The following TRPC6 variants were observed in gnomAD, a reference collection of about 807,000 sequenced individuals.
The protein encoded by TRPC6 is transient receptor potential cation channel subfamily C member 6.
Under a neutral mutation model 90.7 loss-of-function variants are expected in TRPC6, and 55 were observed. The observed-to-expected ratio is 0.61, with a 90% CI of 0.49 to 0.76. TRPC6 has a LOEUF of 0.76. TRPC6 is among the 30% of genes least tolerant of loss of function. TRPC6 has a pLI of 0.00. For synonymous variants in TRPC6, 393 were observed against 393.0 expected (o/e 1.00, Z 0.00); for missense variants, 989 against 1,122.7 (o/e 0.88, Z 1.70).
intron 1 of TRPC6, among the ~76,000 whole-genome samples, chr11:101,555,998 G>A (rs1304334819): frequency 6.6e-6 from 1 of 152,052 alleles, no homozygotes; most frequent in East Asian, 1.9e-4. Context: ...TTAAAAGGGG[G>A]ATTTTTTAAA....
At chr11:101,574,995 T>G (rs1295521363) in intron 1 of TRPC6, among the ~76,000 whole-genome samples, 1 of 152,152 alleles carries the variant, frequency 6.6e-6, no homozygotes, top group Non-Finnish European at 1.5e-5. Context: ...AATGGAAACA[T>G]GAACTCTGCT....
intron 1 of TRPC6, among the ~76,000 whole-genome samples, chr11:101,539,240 T>C (rs1234209548): frequency 7.2e-5 from 11 of 152,212 alleles, no homozygotes; most frequent in African/African-American, 2.7e-4. Flanking sequence ...GGTTTTCAGA[T>C]TCCTTAGAAC....
At position 101,473,674 on chromosome 11, in the gene TRPC6, G is replaced by A. The variant is rs756977825; in HGVS notation, c.1844C>T (p.Pro615Leu). ...LSFSRIAYIL[P>L]ANESFGPLQI... ...CAGAGGTCCAAAGCTTTCATTTGCT[G>A]GTAAAATATAAGCTATCCTAGAGAA... Residue 615 changes from proline (P) to leucine (L), a missense_variant, in exon 7 of 13, where the codon CCA (proline) becomes CTA (leucine). Pro to Leu is a moderately conservative substitution (Grantham distance 98). Around this residue, in one of 4 missense-constraint regions of TRPC6, gnomAD observed 118 missense variants for 197.6 expected, o/e 0.60. Transcript: ENST00000344327. 1.2e-6 allele frequency: 2 copies of A among 1,613,614 alleles called. No homozygotes were observed. Among genetic ancestry groups the A allele is most frequent in the East Asian group, 2.2e-5 (1 of 44,826 alleles).
chr11:101,500,532 G>A (rs530493135), intron 2 of TRPC6, among the ~76,000 whole-genome samples: 1 of 151,688 alleles, frequency 6.6e-6, no homozygotes, highest in South Asian at 2.1e-4. Context: ...TTAACAGCTG[G>A]GTTGATTTTT....
intron 1 of TRPC6, among the ~76,000 whole-genome samples, chr11:101,510,531 T>G (rs990580092): frequency 6.6e-6 from 1 of 152,204 alleles, no homozygotes; most frequent in Non-Finnish European, 1.5e-5. Flanking sequence ...ACATTTAGCA[T>G]GGTTAAAAGA....
intron 1 of TRPC6, among the ~76,000 whole-genome samples, chr11:101,544,225 A>G (rs982557347): frequency 6.6e-6 from 1 of 152,198 alleles, no homozygotes; most frequent in East Asian, 1.9e-4. Context: ...AAAAGTCAGG[A>G]AACAACAGAT....
chr11:101,497,993 A>T (rs1244887264), intron 2 of TRPC6, among the ~76,000 whole-genome samples: 1 of 152,250 alleles, frequency 6.6e-6, no homozygotes, highest in East Asian at 1.9e-4. Flanking sequence ...AATTAGAGAC[A>T]TAAGTCCTGG....
At chr11:101,490,405 T>C (rs1316655901) in intron 3 of TRPC6, among the ~76,000 whole-genome samples, 1 of 152,322 alleles carries the variant, frequency 6.6e-6, no homozygotes, top group Middle Eastern at 3.4e-3. Flanking sequence ...ACCATAAACA[T>C]ATATTACTTT....
intron 5 of TRPC6, among the ~76,000 whole-genome samples, chr11:101,477,576 G>A (rs777220890): frequency 8.5e-5 from 13 of 152,076 alleles, no homozygotes; most frequent in East Asian, 3.9e-4. Flanking sequence ...AAATTTTAAC[G>A]TAGTATTTAG....
chr11:101,541,582 A>C (rs4754012), intron 1 of TRPC6, among the ~76,000 whole-genome samples: 39,543 of 151,988 alleles, frequency 0.26, 5,658 homozygotes, highest in East Asian at 0.4. Flanking sequence ...AGTCTATATG[A>C]GACAGAAAGC....
intron 5 of TRPC6, among the ~76,000 whole-genome samples, chr11:101,480,014 A>C (rs767191224): frequency 2.4e-4 from 37 of 152,122 alleles, no homozygotes; most frequent in Non-Finnish European, 4.4e-4. Flanking sequence ...CCCCATCTCT[A>C]TTAAAAGTAC....
chr11:101,578,997 T>C (rs1206463205), intron 1 of TRPC6, among the ~76,000 whole-genome samples: 1 of 152,116 alleles, frequency 6.6e-6, no homozygotes, highest in Non-Finnish European at 1.5e-5. Flanking sequence ...TACAATAATA[T>C]TGGTATACTT....
intron 1 of TRPC6, among the ~76,000 whole-genome samples, chr11:101,505,270 G>A (rs1860233379): frequency 6.6e-6 from 1 of 152,134 alleles, no homozygotes; most frequent in African/African-American, 2.4e-5. Flanking sequence ...GGTCCAAGAA[G>A]GCCAATAGTG....
intron 6 of TRPC6, among the ~76,000 whole-genome samples, chr11:101,475,851 T>C (rs1224657564): frequency 2.3e-5 from 3 of 129,844 alleles, no homozygotes; most frequent in Admixed American, 7.1e-5. Flanking sequence ...CACATATATA[T>C]ACACACACAC....
rs1294925833 is a variant in TRPC6, at chr11:101,548,470, A to C, written c.170+34864T>G. Among the ~76,000 whole-genome samples, 532 of 74,992 alleles carry C rather than the reference A, an allele frequency of 7.1e-3. 5 individuals carry two copies. The highest frequency in any genetic ancestry group is 0.028 in the African/African-American group (503 of 18,120). 49.2% of individuals were successfully genotyped at this position (74,992 alleles called of 152,430 possible). ...ATTATATATACTGATATATATATAT[A>C]TATATATCTCTCTCTCTCTCTCTGT... On this transcript the variant is annotated intron_variant, in intron 1 of 12. Coordinates refer to ENST00000344327, the MANE Select transcript of TRPC6 (RefSeq NM_004621.6).
At chr11:101,472,091 G>A (rs1419135206) in intron 8 of TRPC6, 46 bp downstream of exon 8, 6 of 1,585,596 alleles carry the variant, frequency 3.8e-6, no homozygotes, top group Admixed American at 1.7e-5. Context: ...CCTTGGAATA[G>A]TTAAAACATG....
intron 1 of TRPC6, among the ~76,000 whole-genome samples, chr11:101,540,646 A>G (rs921842826): frequency 6.6e-6 from 1 of 152,248 alleles, no homozygotes; most frequent in African/African-American, 2.4e-5. Flanking sequence ...ACATGTACAC[A>G]TAACTTAATA....
At chr11:101,482,645 C>T (rs901744803) in intron 5 of TRPC6, among the ~76,000 whole-genome samples, 1 of 152,152 alleles carries the variant, frequency 6.6e-6, no homozygotes, top group African/African-American at 2.4e-5. Context: ...AATCATAGCT[C>T]GCTCTCAAAA....
At chr11:101,491,307 G>A (rs551687871) in intron 3 of TRPC6, 70 of 369,196 alleles carry the variant, frequency 1.9e-4, no homozygotes, top group Middle Eastern at 9.2e-4. Flanking sequence ...GGTGGTGGGC[G>A]CCTGTAGTCC....
Sources: allele counts gnomAD v4.1 joint callset (sites outside exome capture counted in the v4.1 genomes callset), GRCh38; gene constraint gnomAD v4.1.1; regional missense constraint gnomAD v4.1.1; transcripts MANE v1.5; gene names NCBI Gene and HGNC (gene_info 2026-07-23, HGNC 2026-07-21).